NEK11: variants seen among roughly 807,000 people sequenced by gnomAD.
The protein encoded by NEK11 is NIMA related kinase 11, also known as serine/threonine-protein kinase Nek11.
A neutral mutation model predicts 80.7 loss-of-function variants in NEK11; 72 were observed. That is an observed-to-expected ratio of 0.89 (90% CI 0.74 to 1.08). NEK11 has a LOEUF of 1.08. Ranked by LOEUF, NEK11 falls within the 50% of genes least tolerant of loss-of-function variation. The pLI, the probability that NEK11 is intolerant of heterozygous loss-of-function variation, is 0.00. For missense variants in NEK11, 764 were observed against 763.6 expected, an observed-to-expected ratio of 1.00 and a Z score of -0.01; for synonymous variants, 251 against 260.7, an observed-to-expected ratio of 0.96 and a Z score of 0.36.
At chr3:131,273,380 A>G in intron 16 of NEK11, 98 bp from the exon 17 acceptor site, 1 of 799,236 alleles carries the variant, frequency 1.3e-6, no homozygotes, top group South Asian at 1.6e-5. Flanking sequence ...CCATGTGGCA[A>G]AGGTGGATTA....
At chr3:131,266,652 C>T (rs989213610) in intron 16 of NEK11, among the ~76,000 whole-genome samples, 25 of 152,038 alleles carry the variant, frequency 1.6e-4, no homozygotes, top group Admixed American at 4.6e-4. Context: ...AGAATAAGTG[C>T]GATGTGGTGC....
At chr3:131,348,958 CTCAT>C (rs1432059056) in intron 17 of NEK11, among the ~76,000 whole-genome samples, 4 of 152,014 alleles carry the variant, frequency 2.6e-5, no homozygotes, top group Admixed American at 6.6e-5. Context: ...CCTCCTCCTC[CTCAT>C]TATTATTTTG....
intron 17 of NEK11, among the ~76,000 whole-genome samples, chr3:131,287,860 T>G (rs1407414814): frequency 6.6e-6 from 1 of 152,212 alleles, no homozygotes; most frequent in Admixed American, 6.5e-5. Flanking sequence ...GATTTTGGTT[T>G]GCCTTAACAT....
At chr3:131,345,947 C>A (rs58999729) in intron 17 of NEK11, among the ~76,000 whole-genome samples, 2,498 of 150,834 alleles carry the variant, frequency 0.017, 68 homozygotes, top group African/African-American at 0.057. Flanking sequence ...TATTGCATGA[C>A]CTCAATTATA....
chr3:131,318,391 T>G (rs190838145), intron 17 of NEK11, among the ~76,000 whole-genome samples: 15 of 152,324 alleles, frequency 9.8e-5, no homozygotes, highest in Non-Finnish European at 1.8e-4. Flanking sequence ...CTGTTCAAAT[T>G]TTTTAAGTGA....
intron 3 of NEK11, among the ~76,000 whole-genome samples, chr3:131,067,545 CAATAGTACT>C (rs2072265153): frequency 6.6e-6 from 1 of 152,120 alleles, no homozygotes; most frequent in African/African-American, 2.4e-5. Flanking sequence ...TCAACAACAG[CAATAGTACT>C]AATAGTAATA....
chr3:131,336,592 G>A (rs1194822506), intron 17 of NEK11, among the ~76,000 whole-genome samples: 1 of 152,050 alleles, frequency 6.6e-6, no homozygotes, highest in African/African-American at 2.4e-5. Flanking sequence ...CAAAAGCAAT[G>A]GCAACAAAAG....
intron 4 of NEK11, among the ~76,000 whole-genome samples, chr3:131,087,715 C>T (rs187535284): frequency 2.0e-5 from 3 of 152,126 alleles, no homozygotes; most frequent in East Asian, 1.9e-4. Flanking sequence ...ATCTCTAGTG[C>T]GTGTCAATAG....
intron 3 of NEK11, among the ~76,000 whole-genome samples, chr3:131,033,633 G>A (rs1003179430): frequency 5.9e-5 from 9 of 152,142 alleles, no homozygotes; most frequent in Admixed American, 1.3e-4. Context: ...TAACTTTTCC[G>A]TCAAAGTATT....
intron 17 of NEK11, among the ~76,000 whole-genome samples, chr3:131,309,983 T>A (rs79525419): frequency 2.6e-5 from 2 of 75,558 alleles, no homozygotes; most frequent in Non-Finnish European, 4.5e-5. Flanking sequence ...AATGAGACCA[T>A]GTTTAAAAAA....
chr3:131,085,965 G>A (rs1250506062), intron 4 of NEK11, among the ~76,000 whole-genome samples: 7 of 152,030 alleles, frequency 4.6e-5, no homozygotes, highest in Non-Finnish European at 1.0e-4. Flanking sequence ...TAACTGGCAA[G>A]CTATTTTGTA....
chr3:131,154,080 A>G (rs530388804), intron 9 of NEK11, among the ~76,000 whole-genome samples: 1 of 152,246 alleles, frequency 6.6e-6, no homozygotes, highest in African/African-American at 2.4e-5. Flanking sequence ...TTATGCAAGC[A>G]TATGCTCTCA....
At chr3:131,060,632 C>T (rs1437892342) in intron 3 of NEK11, among the ~76,000 whole-genome samples, 1 of 152,108 alleles carries the variant, frequency 6.6e-6, no homozygotes, top group Non-Finnish European at 1.5e-5. Context: ...TTTAGCAAAT[C>T]AAATGGAAAA....
At chr3:131,225,750 A>G (rs1371935324) in intron 14 of NEK11, among the ~76,000 whole-genome samples, 1 of 152,158 alleles carries the variant, frequency 6.6e-6, no homozygotes, top group African/African-American at 2.4e-5. Flanking sequence ...GCAGGTTGAG[A>G]GGTCAGTTTA....
chr3:131,286,301 G>T (rs2096469577), intron 17 of NEK11, among the ~76,000 whole-genome samples: 1 of 152,150 alleles, frequency 6.6e-6, no homozygotes, highest in South Asian at 2.1e-4. Context: ...GACTTCTTGG[G>T]CAGTATTTAT....
chr3:131,215,565 T>C (rs2094806220), intron 14 of NEK11, among the ~76,000 whole-genome samples: 1 of 152,058 alleles, frequency 6.6e-6, no homozygotes, highest in Non-Finnish European at 1.5e-5. Flanking sequence ...CATGTAGATA[T>C]GGTGTAAAAG....
At chr3:131,271,560 C>T (rs758609994) in intron 16 of NEK11, among the ~76,000 whole-genome samples, 15 of 151,350 alleles carry the variant, frequency 9.9e-5, no homozygotes, top group South Asian at 2.1e-4. Context: ...TTTGGCAGGC[C>T]GAGGCAGGCG....
At chr3:131,183,971 C>T (rs1376463895) in intron 14 of NEK11, among the ~76,000 whole-genome samples, 1 of 152,052 alleles carries the variant, frequency 6.6e-6, no homozygotes, top group Non-Finnish European at 1.5e-5. Flanking sequence ...TTTATAATCG[C>T]AGAGGCCATC....
chr3:131,071,195 C>T (rs1369759935), intron 3 of NEK11, among the ~76,000 whole-genome samples: 1 of 152,048 alleles, frequency 6.6e-6, no homozygotes, highest in Admixed American at 6.6e-5. Context: ...ATTCAGCTTC[C>T]AGATCAAAGC....
Sources: allele counts gnomAD v4.1 joint callset (sites outside exome capture counted in the v4.1 genomes callset), GRCh38; gene constraint gnomAD v4.1.1; transcripts MANE v1.5; gene names NCBI Gene and HGNC (gene_info 2026-07-23, HGNC 2026-07-21).